AGGF1: variants seen among roughly 807,000 people sequenced by gnomAD.
The protein encoded by AGGF1 is angiogenic factor with G patch and FHA domains 1.
A neutral mutation model predicts 86.5 loss-of-function variants in AGGF1; 56 were observed. The ratio of observed to expected loss-of-function variants is 0.65; its 90% CI spans 0.52 to 0.81. The LOEUF (loss-of-function observed/expected upper bound fraction) is 0.81. Ranked by LOEUF, AGGF1 falls within the 30% of genes least tolerant of loss-of-function variation. AGGF1 has a pLI of 0.00. For synonymous variants in AGGF1, 313 were observed against 297.1 expected, an observed-to-expected ratio of 1.05 and a Z score of -0.55; for missense variants, 816 against 850.9, an observed-to-expected ratio of 0.96 and a Z score of 0.51.
chr5:77,059,456 A>G (rs947381932), intron 11 of AGGF1, among the ~76,000 whole-genome samples, 160 bp from the exon 12 acceptor site: 1 of 152,188 alleles, frequency 6.6e-6, no homozygotes, highest in African/African-American at 2.4e-5. Flanking sequence ...TGCTAGGATT[A>G]TAGGCATGAG....
chr5:77,063,504 T>G lies in AGGF1; in HGVS notation c.*252T>G. ...GATGAGTTTATCAAACTTCGTTATT[T>G]TATCTTGTCATTTACAACATCCATA... On this transcript the variant is annotated 3_prime_UTR_variant, in exon 14 of 14. Coordinates refer to ENST00000312916, the MANE Select transcript of AGGF1 (RefSeq NM_018046.5). The G allele has an allele frequency of 4.3e-6, 2 of 468,390 alleles. No homozygotes were observed. Among genetic ancestry groups the G allele is most frequent in the East Asian group, 4.1e-5 (1 of 24,248 alleles). The allele number at this position is 468,390 out of a possible 1,614,324, so 29.0% of individuals were successfully genotyped here.
rs756398822 is a variant in AGGF1 at position 77,042,444 on chromosome 5, A to AC, written c.870+2733dup. ...GGCGGCTGGCTGGGCGGGGGGGCTGACCCCCCCCACCTCCCTCCCGGACGG... is the reference window on the plus strand; with the variant it reads ...GGCGGCTGGCTGGGCGGGGGGGCTGACCCCCCCCCACCTCCCTCCCGGACGG... On this transcript the variant is annotated intron_variant, in intron 5 of 13. Transcript: ENST00000312916. Among the ~76,000 whole-genome samples the AC allele has an allele frequency of 5.6e-4, 37 of 65,568 alleles. 1 individual carries two copies. The highest frequency in any genetic ancestry group is 2.4e-3 in the South Asian group (5 of 2,090). The allele number at this position is 65,568 out of a possible 152,430, so 43.0% of individuals were successfully genotyped here. A position where few individuals can be genotyped will look rare whatever the true frequency, so the allele number is the denominator to read the frequency against.
chr5:77,052,292 G>A (rs1257760691), intron 8 of AGGF1, among the ~76,000 whole-genome samples: 2 of 152,064 alleles, frequency 1.3e-5, no homozygotes, highest in African/African-American at 4.8e-5. Context: ...GGTCAAGGCT[G>A]CAGGAAGCGG....
Position 77,053,948 on chromosome 5 carries a change from A to C in AGGF1, c.1468-17A>C. 1 of 1,613,416 alleles carries C rather than the reference A, an allele frequency of 6.2e-7. No homozygotes were observed. Among genetic ancestry groups the C allele is most frequent in the Non-Finnish European group, 8.5e-7 (1 of 1,179,846 alleles). On this transcript the variant is annotated splice_polypyrimidine_tract_variant and intron_variant, in intron 9 of 13. Transcript: ENST00000312916. ...TGATTGTTTTGATTTCTGTTTTGTAAAATGTTTCCCCTCTAGCCGAAAACT... is the reference window on the plus strand; with the variant it reads ...TGATTGTTTTGATTTCTGTTTTGTACAATGTTTCCCCTCTAGCCGAAAACT...
intron 11 of AGGF1, among the ~76,000 whole-genome samples, chr5:77,059,029 GTC>G (rs969232552): frequency 4.1e-4 from 62 of 152,260 alleles, no homozygotes; most frequent in African/African-American, 1.4e-3. Context: ...TTTTTTAAAA[GTC>G]TCTACATTTC....
At chr5:77,061,664 T>A (rs771854732) in intron 12 of AGGF1, 39 bp from the exon 13 acceptor site, 2 of 1,547,852 alleles carry the variant, frequency 1.3e-6, no homozygotes, top group Non-Finnish European at 8.9e-7. Flanking sequence ...ACCTAAAAGA[T>A]CTTTTATAAA....
chr5:77,045,168 AAAGT>A (rs1747220951), intron 5 of AGGF1, among the ~76,000 whole-genome samples: 1 of 152,220 alleles, frequency 6.6e-6, no homozygotes, highest in Non-Finnish European at 1.5e-5. Flanking sequence ...GGTAGAAAGA[AAAGT>A]GAGAGTGCGT....
chr5:77,056,880 T>G lies in AGGF1; in HGVS notation c.1716+1284T>G, dbSNP rs569799542. Reference sequence around the variant, plus strand: ...ATGTATCTGGTCAAAGACTTCTATATCTAGAATATACAAAAAACTTTCAAA... The same window carrying G: ...ATGTATCTGGTCAAAGACTTCTATAGCTAGAATATACAAAAAACTTTCAAA... On this transcript the variant is annotated intron_variant, in intron 11 of 13. Coordinates refer to ENST00000312916, the MANE Select transcript of AGGF1 (RefSeq NM_018046.5). Among the ~76,000 whole-genome samples, 3 of 152,106 alleles carry G rather than the reference T, an allele frequency of 2.0e-5. No homozygotes were observed. The East Asian group carries it at 5.8e-4, about 29-fold the overall frequency.
chr5:77,050,860 C>A (rs1747359979), intron 8 of AGGF1, among the ~76,000 whole-genome samples: 1 of 152,174 alleles, frequency 6.6e-6, no homozygotes, highest in Non-Finnish European at 1.5e-5. Context: ...GCAAAAGATA[C>A]ATCAGGCAGT....
At chr5:77,049,752 G>A (rs1747335963) in intron 8 of AGGF1, among the ~76,000 whole-genome samples, 1 of 151,810 alleles carries the variant, frequency 6.6e-6, no homozygotes, top group African/African-American at 2.4e-5. Context: ...GTTTCACCTG[G>A]GTGTTCGCTA....
At chr5:77,041,251 C>T (rs1747073957) in intron 5 of AGGF1, among the ~76,000 whole-genome samples, 1 of 151,980 alleles carries the variant, frequency 6.6e-6, no homozygotes, top group Non-Finnish European at 1.5e-5. Context: ...GTGCTTGTTA[C>T]TAGTGGTTTG....
In AGGF1 at chr5:77,053,991, A is replaced by T; in HGVS notation, c.1494A>T (p.Val498=). Residue 498 remains valine (V), a synonymous_variant, in exon 10 of 14, where the codon GTA becomes GTT. Transcript: ENST00000312916. The stretch of plus-strand genomic sequence containing the variant: ...CGAAAACTAAATGTGACCCTTACGT[A>T]CTTGAGCATGGAGATGAAGTCAAAA... The part of the protein sequence containing the change: ...LQPKTKCDPY[V]LEHGDEVKIG... 1 of 1,614,202 alleles carries T rather than the reference A, an allele frequency of 6.2e-7. No homozygotes were observed. The highest frequency in any genetic ancestry group is 1.3e-5 in the African/African-American group (1 of 75,064).
chr5:77,051,653 G>A (rs1053588061), intron 8 of AGGF1, among the ~76,000 whole-genome samples: 4 of 152,190 alleles, frequency 2.6e-5, no homozygotes, highest in Non-Finnish European at 5.9e-5. Context: ...TAAAGTTGAA[G>A]ATTTGCTTAT....
chr5:77,054,206 A>G, intron 10 of AGGF1, 76 bp downstream of exon 10: 1 of 1,551,250 alleles, frequency 6.4e-7, no homozygotes, highest in Non-Finnish European at 8.9e-7. Context: ...AACATCAGTC[A>G]GCTACTGGCT....
chr5:77,044,948 C>G (rs1047537101), intron 5 of AGGF1, among the ~76,000 whole-genome samples: 2 of 151,878 alleles, frequency 1.3e-5, no homozygotes, highest in Non-Finnish European at 2.9e-5. Flanking sequence ...GCCTGTAGTC[C>G]CAGCTACTCG....
chr5:77,032,958 T>G (rs976032631), intron 1 of AGGF1, among the ~76,000 whole-genome samples: 1 of 152,212 alleles, frequency 6.6e-6, no homozygotes, highest in Non-Finnish European at 1.5e-5. Flanking sequence ...TCTTATAAGC[T>G]TTAATACACT....
chr5:77,038,135 CATT>C (rs1746999165), intron 4 of AGGF1, among the ~76,000 whole-genome samples: 1 of 152,128 alleles, frequency 6.6e-6, no homozygotes, highest in Non-Finnish European at 1.5e-5. Flanking sequence ...TAAGAGGTGT[CATT>C]AGTTTGTCAA....
At chr5:77,041,788 TA>T (rs66534050) in intron 5 of AGGF1, among the ~76,000 whole-genome samples, 33,176 of 129,002 alleles carry the variant, frequency 0.26, 4,716 homozygotes, top group East Asian at 0.34. Context: ...GAACTTTTTT[TA>T]TTTATTTATT....
intron 1 of AGGF1, among the ~76,000 whole-genome samples, chr5:77,032,430 G>A (rs113530778): frequency 0.23 from 34,397 of 151,408 alleles, 4,447 homozygotes; most frequent in Non-Finnish European, 0.29. Context: ...TTAGCCGAGC[G>A]TGGTGGCGGG....
Sources: gnomAD v4.1 joint callset for allele counts (sites outside exome capture counted in the v4.1 genomes callset) on GRCh38, gnomAD v4.1.1 for gene constraint, MANE v1.5 for transcripts, NCBI Gene and HGNC (gene_info 2026-07-23, HGNC 2026-07-21) for gene names.